The following DOCK3 variants were observed in gnomAD, a reference collection of about 807,000 sequenced individuals.
DOCK3 encodes dedicator of cytokinesis protein 3.
DOCK3 carries 60 observed loss-of-function variants against 265.6 expected under a neutral mutation model. That is an observed-to-expected ratio of 0.23 (90% confidence interval 0.18 to 0.28). DOCK3 has a LOEUF of 0.28. Among genes scored for constraint, DOCK3 ranks in the 10% least tolerant of loss-of-function variants. The pLI, the probability that DOCK3 is intolerant of heterozygous loss-of-function variation, is 1.00. For missense variants in DOCK3, 1,981 were observed against 2,594.3 expected, an observed-to-expected ratio of 0.76 and a Z score of 5.14; for synonymous variants, 881 against 938.0, an observed-to-expected ratio of 0.94 and a Z score of 1.11.
chr3:50,941,614 A>G (rs2076298229), intron 5 of DOCK3, among the ~76,000 whole-genome samples: 1 of 152,088 alleles, frequency 6.6e-6, no homozygotes, highest in African/African-American at 2.4e-5. Context: ...TTTTACATGG[A>G]TGTTTATAAA....
intron 5 of DOCK3, among the ~76,000 whole-genome samples, chr3:51,032,693 A>G (rs911422067): frequency 6.6e-6 from 1 of 152,138 alleles, no homozygotes; most frequent in African/African-American, 2.4e-5. Context: ...GGATCGATTG[A>G]GGCCAGGAGT....
Position 50,960,125 on chromosome 3 carries a change from C to T in DOCK3, c.315+26048C>T, listed in dbSNP as rs958696160. 7.9e-5 allele frequency among the ~76,000 whole-genome samples: 12 copies of T among 152,112 alleles called. No homozygotes were observed. In the East Asian group the frequency reaches 1.9e-3, roughly 24 times the overall value. On this transcript the variant is annotated intron_variant, in intron 5 of 52. Coordinates refer to ENST00000266037, the MANE Select transcript of DOCK3 (RefSeq NM_004947.5). The stretch of plus-strand genomic sequence containing the variant: ...TTTATCATTCATTGGATTGTTTCCA[C>T]TTTTTGGTTATTATGAATAATACTG...
intron 4 of DOCK3, among the ~76,000 whole-genome samples, chr3:50,922,755 C>CT (rs34981827): frequency 0.11 from 15,091 of 141,044 alleles, 854 homozygotes; most frequent in Non-Finnish European, 0.13. Context: ...TATTTTTAGT[C>CT]TTTTTTTTTT....
rs1272072342 is a variant in DOCK3 at position 51,249,518 on chromosome 3, C to A, written c.2184+2711C>A. ...GAGGGAGGTGGGGGGGTCAGCTCCC[C>A]GCCCGGCCAGCCGCCCGGTCCGGGA... On this transcript the variant is annotated intron_variant, in intron 22 of 52. Coordinates refer to ENST00000266037, the MANE Select transcript of DOCK3 (RefSeq NM_004947.5). Among the ~76,000 whole-genome samples, 58 of 92,562 alleles carry A rather than the reference C, an allele frequency of 6.3e-4. 4 individuals are homozygous for A. The highest frequency in any genetic ancestry group is 2.3e-3 in the African/African-American group (55 of 24,326). 60.7% of individuals were successfully genotyped at this position (92,562 alleles called of 152,430 possible). A position where few individuals can be genotyped will look rare whatever the true frequency, so the allele number is the denominator to read the frequency against.
chr3:51,123,096 T>C (rs930330892), intron 9 of DOCK3, among the ~76,000 whole-genome samples: 9 of 152,142 alleles, frequency 5.9e-5, no homozygotes, highest in Non-Finnish European at 7.4e-5. Flanking sequence ...CACACTTTGC[T>C]CCTGACCAGG....
intron 2 of DOCK3, among the ~76,000 whole-genome samples, chr3:50,822,650 C>T (rs1328306650): frequency 6.6e-6 from 1 of 151,682 alleles, no homozygotes; most frequent in East Asian, 1.9e-4. Flanking sequence ...GCATGTGCCA[C>T]CATGCCCAGC....
In DOCK3 at chr3:51,208,813, C is replaced by T. The variant is rs1441730363; in HGVS notation, c.1077C>T (p.Asn359=). ...GTGAGTGGTCCCAGATCCACGAGAACATCATCCGAAAGTCCAGTGCCAAGT... is the reference window on the plus strand; with the variant it reads ...GTGAGTGGTCCCAGATCCACGAGAATATCATCCGAAAGTCCAGTGCCAAGT... ...NESEWSQIHE[N]IIRKSSAKYS... The change falls in exon 13 of 53, where the codon AAC becomes AAT. Residue 359 remains asparagine, a synonymous_variant. Transcript: ENST00000266037. The T allele has an allele frequency of 6.2e-7, 1 of 1,612,276 alleles. No individual in the cohort carries two copies.
chr3:50,816,043 T>A (rs74764027), intron 2 of DOCK3, among the ~76,000 whole-genome samples: 1 of 152,112 alleles, frequency 6.6e-6, no homozygotes, highest in Non-Finnish European at 1.5e-5. Context: ...TTTTTTTTTT[T>A]AGATCTGTCT....
intron 5 of DOCK3, among the ~76,000 whole-genome samples, chr3:51,026,138 C>T (rs1045038272): frequency 6.6e-6 from 1 of 151,878 alleles, no homozygotes; most frequent in African/African-American, 2.4e-5. Flanking sequence ...TCCAATCTGC[C>T]ATTTTGAAAA....
At chr3:50,709,919 G>A (rs1048906694) in intron 1 of DOCK3, among the ~76,000 whole-genome samples, 1 of 152,280 alleles carries the variant, frequency 6.6e-6, no homozygotes, top group East Asian at 1.9e-4. Flanking sequence ...GATGCTGGAA[G>A]CTGGGCATGC....
At chr3:50,837,969 A>G (rs778560159) in intron 2 of DOCK3, among the ~76,000 whole-genome samples, 9 of 152,160 alleles carry the variant, frequency 5.9e-5, no homozygotes, top group Non-Finnish European at 8.8e-5. Flanking sequence ...AAGACTTTGA[A>G]TTTTATTTTG....
intron 9 of DOCK3, among the ~76,000 whole-genome samples, chr3:51,129,287 C>T (rs2084403893): frequency 1.3e-5 from 2 of 152,188 alleles, no homozygotes; most frequent in Non-Finnish European, 2.9e-5. Context: ...CTGCAGCTGT[C>T]CACTTTCGGG....
chr3:50,830,232 G>T (rs2045057507), intron 2 of DOCK3, among the ~76,000 whole-genome samples: 1 of 152,188 alleles, frequency 6.6e-6, no homozygotes, highest in South Asian at 2.1e-4. Flanking sequence ...TTAAAAGGGT[G>T]TAGATTTTGT....
chr3:51,302,527 C>A (rs1158609951), intron 27 of DOCK3, among the ~76,000 whole-genome samples: 3 of 151,574 alleles, frequency 2.0e-5, no homozygotes, highest in African/African-American at 7.3e-5. Flanking sequence ...TGTCATTGGC[C>A]TTTGTACTTT....
chr3:51,220,782 C>T (rs2108300591), intron 14 of DOCK3, among the ~76,000 whole-genome samples: 1 of 146,900 alleles, frequency 6.8e-6, no homozygotes, highest in South Asian at 2.2e-4. Context: ...GTAATTTATA[C>T]AGAAGGAATG....
At chr3:51,121,023 C>T (rs1041906529) in intron 9 of DOCK3, among the ~76,000 whole-genome samples, 1 of 152,088 alleles carries the variant, frequency 6.6e-6, no homozygotes, top group African/African-American at 2.4e-5. Context: ...TGGAAAAAAA[C>T]AAACAAACAA....
intron 7 of DOCK3, among the ~76,000 whole-genome samples, chr3:51,086,306 G>T (rs1300038958): frequency 6.6e-6 from 1 of 152,198 alleles, no homozygotes; most frequent in Non-Finnish European, 1.5e-5. Flanking sequence ...GATGGGCCAG[G>T]TGTTCCTTGC....
chr3:51,336,847 G>A (rs1560459780), intron 35 of DOCK3: 3 of 456,048 alleles, frequency 6.6e-6, no homozygotes, highest in South Asian at 4.6e-5. Context: ...AAATGTTTCA[G>A]ATGCTTTATA....
intron 40 of DOCK3, among the ~76,000 whole-genome samples, chr3:51,354,488 G>A (rs958100900): frequency 6.6e-6 from 1 of 152,092 alleles, no homozygotes; most frequent in African/African-American, 2.4e-5. Context: ...GATTGTTGTT[G>A]CCCTGGTTGT....
Sources: allele counts gnomAD v4.1 joint callset (sites outside exome capture counted in the v4.1 genomes callset), GRCh38; gene constraint gnomAD v4.1.1; transcripts MANE v1.5; gene names NCBI Gene and HGNC (gene_info 2026-07-23, HGNC 2026-07-21).